The following AGFG1 variants were observed in gnomAD, a reference collection of about 807,000 sequenced individuals.
AGFG1 encodes the protein ArfGAP with FG repeats 1.
In AGFG1, 10 loss-of-function variants were observed where a neutral mutation model predicts 60.6. The observed-to-expected ratio is 0.16, with a 90% CI of 0.10 to 0.28. The LOEUF (loss-of-function observed/expected upper bound fraction) is 0.28. Ranked by LOEUF, AGFG1 falls within the 10% of genes least tolerant of loss-of-function variation. The pLI is 1.00. For synonymous variants in AGFG1, 247 were observed against 242.9 expected, an observed-to-expected ratio of 1.02 and a Z score of -0.16; for missense variants, 537 against 676.5, an observed-to-expected ratio of 0.79 and a Z score of 2.29.
chr2:227,496,483 A>T (rs1471166227), intron 2 of AGFG1, among the ~76,000 whole-genome samples: 1 of 152,086 alleles, frequency 6.6e-6, no homozygotes, highest in Non-Finnish European at 1.5e-5. Context: ...TGTGCCAGGA[A>T]CTGTCCTTAG....
Position 227,540,643 on chromosome 2 carries a change from C to A in AGFG1, c.1378+3650C>A, listed in dbSNP as rs1692463437. Reference sequence around the variant, plus strand: ...CACGTCTTTGCTATCGTGAATAGTGCCGCAGTAAACGTACGTGTGCATGTG... The same window carrying A: ...CACGTCTTTGCTATCGTGAATAGTGACGCAGTAAACGTACGTGTGCATGTG... On this transcript the variant is annotated intron_variant, in intron 10 of 12. Transcript: ENST00000310078. Among the ~76,000 whole-genome samples the A allele has an allele frequency of 2.0e-5, 3 of 152,144 alleles. 1 individual carries two copies. In the East Asian group the frequency reaches 5.8e-4, roughly 29 times the overall value.
chr2:227,520,630 A>G (rs932516331), intron 3 of AGFG1, among the ~76,000 whole-genome samples: 6 of 152,218 alleles, frequency 3.9e-5, no homozygotes, highest in Admixed American at 1.3e-4. Context: ...ATTAATTCCA[A>G]CAGGTTGTAC....
In AGFG1 at chr2:227,524,772, T is replaced by C. The variant is rs996806941; in HGVS notation, c.551T>C (p.Val184Ala). The stretch of plus-strand genomic sequence containing the variant: ...ATATGTGGTTTGTAGTCCCCAGTTG[T>C]AGGTCGTTCTCAAGGGCAGCAGCAG... ...NKGTPSQSPV[V>A]GRSQGQQQEK... The change falls in exon 5 of 13, where the codon GTA becomes GCA. Residue 184 changes from valine to alanine, a missense_variant. Physicochemically the swap from Val to Ala is moderately conservative, Grantham distance 64 (BLOSUM62 0). Around this residue, in one of 4 missense-constraint regions of AGFG1, gnomAD observed 102 missense variants for 82.9 expected, o/e 1.23. Coordinates refer to ENST00000310078, the MANE Select transcript of AGFG1 (RefSeq NM_004504.5). The C allele has an allele frequency of 1.3e-5, 21 of 1,614,140 alleles. No individual in the cohort carries two copies. The highest frequency in any genetic ancestry group is 1.8e-5 in the Non-Finnish European group (21 of 1,179,982).
At chr2:227,516,732 TTTTA>T (rs1408076777) in intron 2 of AGFG1, among the ~76,000 whole-genome samples, 18 of 152,226 alleles carry the variant, frequency 1.2e-4, no homozygotes, top group Admixed American at 3.3e-4. Context: ...ATCTGCTTCA[TTTTA>T]TTTATTTATT....
intron 1 of AGFG1, among the ~76,000 whole-genome samples, chr2:227,480,008 A>G (rs574710907): frequency 1.3e-5 from 2 of 152,310 alleles, no homozygotes; most frequent in East Asian, 3.9e-4. Context: ...GACACCATAC[A>G]TGTTTTGTAG....
intron 5 of AGFG1, among the ~76,000 whole-genome samples, chr2:227,530,488 C>T (rs1692125543): frequency 6.6e-6 from 1 of 152,026 alleles, no homozygotes; most frequent in Non-Finnish European, 1.5e-5. Context: ...TGCTAGCATT[C>T]ATTGTTTCTT....
rs573757185 is a variant in AGFG1, at chr2:227,548,902, A to G, written c.1379-3057A>G. Among the ~76,000 whole-genome samples the G allele has an allele frequency of 5.9e-5, 9 of 152,232 alleles. No homozygotes were observed. The South Asian group carries it at 1.9e-3, about 32-fold the overall frequency. On this transcript the variant is annotated intron_variant, in intron 10 of 12. Coordinates refer to ENST00000310078, the MANE Select transcript of AGFG1 (RefSeq NM_004504.5). Reference sequence around the variant, plus strand: ...CAGTGAGCCGAGATCACACCACTGCACTCCATCCTGGGCGACAGAGCGAGA... The same window carrying G: ...CAGTGAGCCGAGATCACACCACTGCGCTCCATCCTGGGCGACAGAGCGAGA...
At chr2:227,496,359 G>A (rs761717256) in intron 2 of AGFG1, among the ~76,000 whole-genome samples, 17 of 151,296 alleles carry the variant, frequency 1.1e-4, no homozygotes, top group Non-Finnish European at 2.1e-4. Flanking sequence ...GGAGAATGGC[G>A]TGAACCTGGG....
intron 5 of AGFG1, among the ~76,000 whole-genome samples, chr2:227,529,981 A>G (rs1390971455): frequency 3.3e-5 from 5 of 152,050 alleles, no homozygotes; most frequent in African/African-American, 1.2e-4. Flanking sequence ...GTTAAATACT[A>G]TACAGATGAA....
chr2:227,505,735 T>TTTTG (rs1197322193), intron 2 of AGFG1, among the ~76,000 whole-genome samples: 2 of 152,130 alleles, frequency 1.3e-5, no homozygotes, highest in Non-Finnish European at 2.9e-5. Flanking sequence ...ATTTTGTTTT[T>TTTTG]TTTGTTTGTT....
At chr2:227,472,723 C>G in intron 1 of AGFG1, 135 bp downstream of exon 1, 4 of 1,042,062 alleles carry the variant, frequency 3.8e-6, no homozygotes, top group Non-Finnish European at 5.0e-6. Context: ...CGTTGGGCGC[C>G]GGCTGGCGGG....
intron 1 of AGFG1, among the ~76,000 whole-genome samples, chr2:227,484,389 G>A (rs548599742): frequency 2.0e-5 from 3 of 152,168 alleles, no homozygotes; most frequent in East Asian, 3.9e-4. Flanking sequence ...TTTTAACCAT[G>A]TTGGCCAGGC....
chr2:227,543,529 A>C (rs145745181), intron 10 of AGFG1, among the ~76,000 whole-genome samples: 4,561 of 152,226 alleles, frequency 0.03, 112 homozygotes, highest in Non-Finnish European at 0.045. Context: ...ACAGTTTGTT[A>C]TGATTTCTGT....
chr2:227,507,602 CAAA>C (rs1162277041), intron 2 of AGFG1, among the ~76,000 whole-genome samples: 38 of 61,566 alleles, frequency 6.2e-4, no homozygotes, highest in Non-Finnish European at 1.1e-3. Context: ...GACTCTGTCT[CAAA>C]AAAAAAAAAA....
Position 227,557,023 on chromosome 2 carries a change from G to C in AGFG1, c.*2528G>C, listed in dbSNP as rs2106250083. 1 of 150,806 alleles carries C rather than the reference G, an allele frequency of 6.6e-6. No homozygotes were observed. The highest frequency in any genetic ancestry group is 3.4e-3 in the Middle Eastern group (1 of 290). The allele number at this position is 150,806 out of a possible 1,614,324, so 9.3% of individuals were successfully genotyped here. A position where few individuals can be genotyped will look rare whatever the true frequency, so the allele number is the denominator to read the frequency against. On this transcript the variant is annotated 3_prime_UTR_variant, in exon 13 of 13. Coordinates refer to ENST00000310078, the MANE Select transcript of AGFG1 (RefSeq NM_004504.5). ...TATTAAAGAAAATCAGCTTTCGTTA[G>C]ACTTTTACATTTAGATTTATTCTAG...
intron 5 of AGFG1, among the ~76,000 whole-genome samples, chr2:227,526,460 A>G (rs538295004): frequency 6.8e-6 from 1 of 146,042 alleles, no homozygotes; most frequent in East Asian, 2.0e-4. Flanking sequence ...CTGGTCTCGA[A>G]CTCCTGACCT....
intron 1 of AGFG1, among the ~76,000 whole-genome samples, chr2:227,481,518 C>T (rs1442584659): frequency 2.6e-5 from 4 of 152,162 alleles, no homozygotes; most frequent in Non-Finnish European, 5.9e-5. Flanking sequence ...TTCCAGTTGG[C>T]TTCTCCCACC....
intron 5 of AGFG1, among the ~76,000 whole-genome samples, chr2:227,525,875 C>T (rs186350970): frequency 1.3e-5 from 2 of 152,170 alleles, no homozygotes; most frequent in African/African-American, 2.4e-5. Flanking sequence ...GCTCAGTACC[C>T]GAGTCCATTG....
chr2:227,521,177 T>A (rs2106206274), intron 3 of AGFG1, among the ~76,000 whole-genome samples: 1 of 152,284 alleles, frequency 6.6e-6, no homozygotes, highest in East Asian at 1.9e-4. Context: ...GCAATTCTCA[T>A]GCCTCAGCCT....
Sources: gnomAD v4.1 joint callset for allele counts (sites outside exome capture counted in the v4.1 genomes callset) on GRCh38, gnomAD v4.1.1 for gene constraint, gnomAD v4.1.1 regional missense constraint, MANE v1.5 for transcripts, NCBI Gene and HGNC (gene_info 2026-07-23, HGNC 2026-07-21) for gene names.